The following PALM2AKAP2 variants were observed in gnomAD, a reference collection of about 807,000 sequenced individuals.
The protein encoded by PALM2AKAP2 is PALM2 and AKAP2 fusion.
A neutral mutation model predicts 71.5 loss-of-function variants in PALM2AKAP2; 37 were observed. The observed-to-expected ratio is 0.52, with a 90% confidence interval of 0.40 to 0.68. The LOEUF is 0.68. Ranked by LOEUF, PALM2AKAP2 falls within the 30% of genes least tolerant of loss-of-function variation. PALM2AKAP2 has a pLI of 0.00. For missense variants in PALM2AKAP2, 1,224 were observed against 1,191.8 expected, an observed-to-expected ratio of 1.03 and a Z score of -0.40; for synonymous variants, 468 against 478.8, an observed-to-expected ratio of 0.98 and a Z score of 0.29.
intron 1 of PALM2AKAP2, among the ~76,000 whole-genome samples, chr9:109,686,630 T>C (rs1033966847): frequency 1.3e-5 from 2 of 152,094 alleles, no homozygotes; most frequent in Admixed American, 6.5e-5. Flanking sequence ...TATTTATTTA[T>C]TTATTTTATT....
chr9:109,981,849 G>T (rs1039852577), intron 6 of PALM2AKAP2, among the ~76,000 whole-genome samples: 1 of 152,010 alleles, frequency 6.6e-6, no homozygotes, highest in African/African-American at 2.4e-5. Flanking sequence ...ACTCTTGGTG[G>T]GAGTGTAAAT....
At chr9:109,943,359 C>G (rs1344558156) in intron 6 of PALM2AKAP2, 1 of 1,614,202 alleles carries the variant, frequency 6.2e-7, no homozygotes, top group South Asian at 1.1e-5. Context: ...AGGAAGAGAG[C>G]CTAGCTACAG....
chr9:109,915,567 C>T (rs979539800), intron 3 of PALM2AKAP2, among the ~76,000 whole-genome samples: 1 of 152,140 alleles, frequency 6.6e-6, no homozygotes, highest in African/African-American at 2.4e-5. Flanking sequence ...CTGGACAAGT[C>T]AGTGCTCTTT....
intron 1 of PALM2AKAP2, among the ~76,000 whole-genome samples, chr9:109,728,949 A>G (rs1477383997): frequency 6.6e-6 from 1 of 152,326 alleles, no homozygotes; most frequent in African/African-American, 2.4e-5. Flanking sequence ...TGACCTTTGA[A>G]TAATATATGT....
intron 1 of PALM2AKAP2, among the ~76,000 whole-genome samples, chr9:109,733,580 C>T (rs1828586745): frequency 6.6e-6 from 1 of 152,158 alleles, no homozygotes; most frequent in African/African-American, 2.4e-5. Flanking sequence ...GGGCCATCTC[C>T]TTGTTTATGG....
chr9:109,805,202 C>T (rs1827539193), intron 1 of PALM2AKAP2, among the ~76,000 whole-genome samples: 1 of 152,156 alleles, frequency 6.6e-6, no homozygotes, highest in Non-Finnish European at 1.5e-5. Context: ...CAGAGAACCT[C>T]CTCCTGCAGC....
intron 6 of PALM2AKAP2, among the ~76,000 whole-genome samples, chr9:110,007,484 C>T (rs531683682): frequency 6.6e-6 from 1 of 152,128 alleles, no homozygotes; most frequent in Non-Finnish European, 1.5e-5. Flanking sequence ...TAGTACAAGC[C>T]AGCAACATCA....
chr9:110,135,164 A>AAAAAAATATAT lies in PALM2AKAP2; in HGVS notation c.157-962_157-961insAAAAATATATA. ...AACTCTGTCTCTACAAAAAAAAAAA[A>AAAAAAATATAT]ATATATAAATATATATATATATATA... On this transcript the variant is annotated intron_variant, in intron 1 of 3. Coordinates refer to ENST00000374525, the Ensembl canonical transcript of PALM2AKAP2. Among the ~76,000 whole-genome samples, 17 of 51,722 alleles carry AAAAAAATATAT rather than the reference A, an allele frequency of 3.3e-4. 1 individual carries two copies. Among genetic ancestry groups the AAAAAAATATAT allele is most frequent in the Admixed American group, 1.1e-3 (5 of 4,700 alleles). The allele number at this position is 51,722 out of a possible 152,430, so 33.9% of individuals were successfully genotyped here.
At chr9:109,788,244 A>G (rs1827018771) in intron 1 of PALM2AKAP2, among the ~76,000 whole-genome samples, 1 of 152,232 alleles carries the variant, frequency 6.6e-6, no homozygotes, top group Non-Finnish European at 1.5e-5. Context: ...CAAATCTGAA[A>G]TGCAAACCTG....
chr9:110,010,407 C>G (rs1193456792), intron 6 of PALM2AKAP2, among the ~76,000 whole-genome samples: 1 of 148,834 alleles, frequency 6.7e-6, no homozygotes, highest in Non-Finnish European at 1.5e-5. Context: ...AGTATAATAT[C>G]TATTTCTATA....
intron 6 of PALM2AKAP2, among the ~76,000 whole-genome samples, chr9:109,974,587 C>A (rs1411330463): frequency 6.6e-6 from 1 of 152,138 alleles, no homozygotes; most frequent in Non-Finnish European, 1.5e-5. Flanking sequence ...TCTCACTTCC[C>A]TGAATGGTTT....
At chr9:110,062,643 C>T (rs369451143) in intron 1 of PALM2AKAP2, among the ~76,000 whole-genome samples, 4 of 152,310 alleles carry the variant, frequency 2.6e-5, no homozygotes, top group East Asian at 3.9e-4. Flanking sequence ...CATCCAACAC[C>T]TATCTACAAT....
At chr9:109,640,976 A>G in intron 1 of PALM2AKAP2, 1 of 1,377,470 alleles carries the variant, frequency 7.3e-7, no homozygotes, top group Non-Finnish European at 9.5e-7. Context: ...TGGGTGTTTA[A>G]TTTCAGCCCC....
intron 1 of PALM2AKAP2, among the ~76,000 whole-genome samples, chr9:109,704,791 C>T (rs577127601): frequency 6.6e-6 from 1 of 152,332 alleles, no homozygotes; most frequent in African/African-American, 2.4e-5. Flanking sequence ...TCCCCATGAG[C>T]TGCCATTCAC....
In PALM2AKAP2 at chr9:110,006,358, C is replaced by CTT. The variant is rs552813650; in HGVS notation, c.497-9594_497-9593dup. Among the ~76,000 whole-genome samples, 551 of 126,866 alleles carry CTT rather than the reference C, an allele frequency of 4.3e-3. 2 individuals carry two copies. The highest frequency in any genetic ancestry group is 0.014 in the African/African-American group (470 of 33,054). 83.2% of individuals were successfully genotyped at this position (126,866 alleles called of 152,430 possible). A position where few individuals can be genotyped will look rare whatever the true frequency, so the allele number is the denominator to read the frequency against. On this transcript the variant is annotated intron_variant, in intron 6 of 9. Coordinates refer to the PALM2AKAP2 transcript ENST00000302798. Reference sequence around the variant, plus strand: ...TCTTTCTTTCTTTCTTTCTTTCTTTCTTTCTTTCTTTCTTCTCTCTTTCTT... The same window carrying CTT: ...TCTTTCTTTCTTTCTTTCTTTCTTTCTTTTTCTTTCTTTCTTCTCTCTTTCTT...
chr9:110,048,702 G>A, exon 1 of PALM2AKAP2: 1 of 1,545,234 alleles, frequency 6.5e-7, no homozygotes. Flanking sequence ...CCCTGCAGAT[G>A]CGCTGGCCCC....
At chr9:110,122,033 C>T (rs778360725) in intron 1 of PALM2AKAP2, among the ~76,000 whole-genome samples, 6 of 152,190 alleles carry the variant, frequency 3.9e-5, no homozygotes, top group Admixed American at 6.5e-5. Flanking sequence ...AGCTGGCCTA[C>T]GCTTTCAAAG....
chr9:109,881,410 A>T (rs531655086), intron 3 of PALM2AKAP2, among the ~76,000 whole-genome samples: 1 of 152,228 alleles, frequency 6.6e-6, no homozygotes, highest in African/African-American at 2.4e-5. Context: ...TGCTGTAGTG[A>T]GTCTGTTTTC....
At chr9:110,057,524 G>T (rs539371617) in intron 1 of PALM2AKAP2, among the ~76,000 whole-genome samples, 1 of 151,940 alleles carries the variant, frequency 6.6e-6, no homozygotes, top group Non-Finnish European at 1.5e-5. Context: ...GTCTACAGGC[G>T]CGTGCCACCA....
Sources: gnomAD v4.1 joint callset for allele counts (sites outside exome capture counted in the v4.1 genomes callset) on GRCh38, gnomAD v4.1.1 for gene constraint, MANE v1.5 for transcripts, NCBI Gene and HGNC (gene_info 2026-07-23, HGNC 2026-07-21) for gene names.